MAP3K15: variants seen among roughly 807,000 people sequenced by gnomAD.
The protein encoded by MAP3K15 is mitogen-activated protein kinase kinase kinase 15.
MAP3K15 carries 124 observed loss-of-function variants against 99.5 expected under a neutral mutation model. The ratio of observed to expected loss-of-function variants is 1.25; its 90% CI spans 1.08 to 1.45. MAP3K15 has a LOEUF of 1.45. Ranked by LOEUF, MAP3K15 falls within the 40% of genes most tolerant of loss-of-function variation. The pLI, the probability that MAP3K15 is intolerant of heterozygous loss-of-function variation, is 0.00. For synonymous variants in MAP3K15, 494 were observed against 439.6 expected (o/e 1.12, Z -1.55); for missense variants, 1,242 against 1,079.7 (o/e 1.15, Z -2.11).
chrX:19,371,094 T>TA, intron 23 of MAP3K15, 30 bp from the exon 24 acceptor site: 1 of 1,040,868 alleles, frequency 9.6e-7, no homozygotes, highest in Admixed American at 3.5e-5. Flanking sequence ...TAAAATAAAC[T>TA]AAAATCACAA....
At chrX:19,368,841 GTT>G (rs773761949) in intron 25 of MAP3K15, among the ~76,000 whole-genome samples, 26 of 94,020 alleles carry the variant, frequency 2.8e-4, no homozygotes, top group African/African-American at 3.9e-4. Flanking sequence ...CTGATTCTGA[GTT>G]TTTTTTTTTT....
intron 9 of MAP3K15, 25 bp from the exon 10 acceptor site, chrX:19,415,282 T>A: frequency 8.9e-7 from 1 of 1,126,777 alleles, no homozygotes; most frequent in Non-Finnish European, 1.2e-6. Flanking sequence ...AACAGCAATA[T>A]ATTGGATTCC....
At chrX:19,366,029 A>AAAG (rs1371077800) in intron 25 of MAP3K15, among the ~76,000 whole-genome samples, 5 of 107,557 alleles carry the variant, frequency 4.6e-5, no homozygotes, top group African/African-American at 1.4e-4. Context: ...AAAAAAAAAA[A>AAAG]AAGACTGAAG....
chrX:19,390,826 A>G (rs147567831), intron 18 of MAP3K15, among the ~76,000 whole-genome samples: 5,054 of 109,518 alleles, frequency 0.046, 325 homozygotes, highest in African/African-American at 0.16. Flanking sequence ...CAGCCACTAT[A>G]CCAGGCCCCA....
At chrX:19,469,268 T>G (rs1330229721) in intron 3 of MAP3K15, among the ~76,000 whole-genome samples, 23 of 111,774 alleles carry the variant, frequency 2.1e-4, no homozygotes, top group South Asian at 1.1e-3. Context: ...TATCTGATCT[T>G]TGACAAACCT....
intron 18 of MAP3K15, among the ~76,000 whole-genome samples, chrX:19,383,752 C>T (rs981917519): frequency 5.4e-5 from 6 of 111,920 alleles, no homozygotes; most frequent in African/African-American, 2.0e-4. Context: ...CATCCCTAAT[C>T]ATCAGAAAAA....
At chrX:19,491,144 C>G (rs1345720373) in intron 1 of MAP3K15, among the ~76,000 whole-genome samples, 1 of 111,777 alleles carries the variant, frequency 8.9e-6, no homozygotes, top group East Asian at 2.8e-4. Context: ...GAACCTGAGG[C>G]CAAGTGCCAC....
At position 19,374,488 on chromosome X, in the gene MAP3K15, A is replaced by T; in HGVS notation, c.2762T>A (p.Phe921Tyr). The change falls in exon 20 of 29, where the codon TTC (phenylalanine) becomes TAC (tyrosine). Residue 921 changes from phenylalanine to tyrosine, a missense_variant. Transcript: ENST00000338883. ...CAGGGAGGCCTCACCTGAGGGCTTGAAGGCAATTCGGTTCTTCTTGCCCTT... is the reference window on the plus strand; with the variant it reads ...CAGGGAGGCCTCACCTGAGGGCTTGTAGGCAATTCGGTTCTTCTTGCCCTT... ...VNKGKKNRIA[F>Y]KPSEGPRGVV... 2 of 1,210,788 alleles carry T rather than the reference A, an allele frequency of 1.7e-6. No homozygotes were observed. The highest frequency in any genetic ancestry group is 2.2e-6 in the Non-Finnish European group (2 of 895,048).
intron 7 of MAP3K15, among the ~76,000 whole-genome samples, chrX:19,427,740 A>C: frequency 9.0e-6 from 1 of 111,653 alleles, no homozygotes; most frequent in Non-Finnish European, 1.9e-5. Context: ...TGCTAGTAGT[A>C]ATTTTGTCAC....
chrX:19,490,762 A>T (rs867359049), intron 1 of MAP3K15, among the ~76,000 whole-genome samples: 5 of 109,250 alleles, frequency 4.6e-5, no homozygotes, highest in African/African-American at 1.7e-4. Flanking sequence ...AACTAAAAAA[A>T]AAAAAAAAAT....
chrX:19,372,764 G>A lies in MAP3K15; in HGVS notation c.2997C>T (p.Asp999=). Residue 999 remains aspartate (D), a synonymous_variant, in exon 22 of 29, where the codon GAC becomes GAT. Transcript: ENST00000338883. The part of the protein sequence containing the change: ...RGLASSPEDR[D]QGLFLLRKDS... ...CCTTGCGTAGCAGGAAGAGGCCCTGGTCCCTGTCCTCCGGGGACGAGGCCA... is the reference window on the plus strand; with the variant it reads ...CCTTGCGTAGCAGGAAGAGGCCCTGATCCCTGTCCTCCGGGGACGAGGCCA... 8.3e-7 allele frequency: 1 copy of A among 1,211,760 alleles called. No homozygotes were observed.
intron 11 of MAP3K15, among the ~76,000 whole-genome samples, chrX:19,410,683 A>G (rs2063680740): frequency 1.8e-5 from 2 of 111,704 alleles, no homozygotes; most frequent in South Asian, 7.5e-4. Flanking sequence ...CTAGCCTACC[A>G]TGACTAATAA....
intron 11 of MAP3K15, 39 bp downstream of exon 11, chrX:19,413,318 T>A (rs1215487384): frequency 1.1e-5 from 12 of 1,077,329 alleles, no homozygotes; most frequent in Admixed American, 4.6e-5. Context: ...CTCTCCTATT[T>A]GAAAACTGAT....
intron 3 of MAP3K15, among the ~76,000 whole-genome samples, chrX:19,477,243 G>C (rs763536325): frequency 9.0e-6 from 1 of 111,092 alleles, no homozygotes; most frequent in Non-Finnish European, 1.9e-5. Context: ...ATATTCAAGA[G>C]GTGCAGAGAA....
At chrX:19,470,579 C>T (rs1035837851) in intron 3 of MAP3K15, among the ~76,000 whole-genome samples, 2 of 109,011 alleles carry the variant, frequency 1.8e-5, no homozygotes, top group African/African-American at 6.7e-5. Flanking sequence ...TCAGAGGCTG[C>T]CCATTGCAGA....
rs760808925 is a variant in MAP3K15, at chrX:19,494,878, T to TA, written c.362-5912dup. Among the ~76,000 whole-genome samples, 173 of 92,390 alleles carry TA rather than the reference T, an allele frequency of 1.9e-3. 2 individuals are homozygous for TA. Among genetic ancestry groups the TA allele is most frequent in the East Asian group, 4.7e-3 (15 of 3,190 alleles). The allele number at this position is 92,390 out of a possible 115,157, so 80.2% of individuals were successfully genotyped here. On this transcript the variant is annotated intron_variant, in intron 1 of 28. Coordinates refer to ENST00000338883, the MANE Select transcript of MAP3K15 (RefSeq NM_001001671.4). ...ACACTAGCTACCTAAAAGCTACCTT[T>TA]AAAAAAAAAAAAAGCCCAGATATAC...
intron 10 of MAP3K15, among the ~76,000 whole-genome samples, chrX:19,414,530 CG>C (rs1157393436): frequency 1.1e-4 from 12 of 112,242 alleles, no homozygotes; most frequent in Non-Finnish European, 1.9e-5. Context: ...GACTCTAAGA[CG>C]GTCATAACAT....
intron 18 of MAP3K15, among the ~76,000 whole-genome samples, chrX:19,389,683 C>T (rs1284926144): frequency 8.9e-6 from 1 of 112,126 alleles, no homozygotes; most frequent in Non-Finnish European, 1.9e-5. Flanking sequence ...ATGAATTATA[C>T]ATGTGTTTCT....
intron 20 of MAP3K15, among the ~76,000 whole-genome samples, chrX:19,374,175 G>T (rs1303653505): frequency 1.8e-5 from 2 of 111,084 alleles, no homozygotes; most frequent in East Asian, 5.7e-4. Context: ...AACCCCAGCT[G>T]GGGTACCTCT....
Sources: gnomAD v4.1 joint callset for allele counts (sites outside exome capture counted in the v4.1 genomes callset) on GRCh38, gnomAD v4.1.1 for gene constraint, MANE v1.5 for transcripts, NCBI Gene and HGNC (gene_info 2026-07-23, HGNC 2026-07-21) for gene names.